The following CDH4 variants were observed in gnomAD, a reference collection of about 807,000 sequenced individuals.
CDH4 encodes the protein cadherin-4.
A neutral mutation model predicts 86.0 loss-of-function variants in CDH4; 33 were observed. That is an observed-to-expected ratio of 0.38 (90% CI 0.29 to 0.51). CDH4 has a LOEUF of 0.51. Ranked by LOEUF, CDH4 falls within the 20% of genes least tolerant of loss-of-function variation. The probability of loss-of-function intolerance (pLI) is 0.86; values close to 1 mark genes in which losing one functional copy is unlikely to be tolerated. For synonymous variants in CDH4, 555 were observed against 549.4 expected (o/e 1.01, Z -0.14); for missense variants, 1,114 against 1,307.4 (o/e 0.85, Z 2.28).
At position 61,652,938 on chromosome 20, in the gene CDH4, A is replaced by AT. The variant is rs763918382; in HGVS notation, c.170-90608dup. ...TTTGAATTTATTTATTTATTTATTT[A>AT]TTTTTTTTTTTTTTTTTATTGATCA... is the stretch of plus-strand genomic sequence containing the variant. On this transcript the variant is annotated intron_variant, in intron 2 of 15. Coordinates refer to ENST00000614565, the MANE Select transcript of CDH4 (RefSeq NM_001794.5). 3.6e-3 allele frequency among the ~76,000 whole-genome samples: 353 copies of AT among 97,446 alleles called. 20 individuals are homozygous for AT. The highest frequency in any genetic ancestry group is 6.6e-3 in the Non-Finnish European group (278 of 42,438). 63.9% of individuals were successfully genotyped at this position (97,446 alleles called of 152,430 possible).
At chr20:61,330,366 C>T (rs1165315108) in intron 2 of CDH4, among the ~76,000 whole-genome samples, 2 of 152,152 alleles carry the variant, frequency 1.3e-5, no homozygotes, top group African/African-American at 4.8e-5. Context: ...TCTCCACAGC[C>T]TCACCAGCAT....
At chr20:61,499,748 A>G (rs1479234703) in intron 2 of CDH4, among the ~76,000 whole-genome samples, 1 of 152,188 alleles carries the variant, frequency 6.6e-6, no homozygotes, top group Non-Finnish European at 1.5e-5. Context: ...AGCAGACACC[A>G]GGAACAGGGC....
At chr20:61,581,683 A>G (rs566853561) in intron 2 of CDH4, among the ~76,000 whole-genome samples, 25 of 152,248 alleles carry the variant, frequency 1.6e-4, no homozygotes, top group African/African-American at 5.5e-4. Context: ...TCCGTGACCC[A>G]GGGTAATCTC....
In CDH4 at chr20:61,501,395, G is replaced by A. The variant is rs2085699938; in HGVS notation, c.170-242168G>A. ...GAGACAAATGGAGTGTGGCCTGCTT[G>A]GGAAATGCTGAAAAGTGTTGGTGTT... On this transcript the variant is annotated intron_variant, in intron 2 of 15. Coordinates refer to ENST00000614565, the MANE Select transcript of CDH4 (RefSeq NM_001794.5). The surrounding 1 kb of genome is among the most constrained non-coding windows in gnomAD (Gnocchi z 4.2). Among the ~76,000 whole-genome samples, 1 of 152,150 alleles carries A rather than the reference G, an allele frequency of 6.6e-6. No individual in the cohort carries two copies. The highest frequency in any genetic ancestry group is 1.5e-5 in the Non-Finnish European group (1 of 68,010).
At chr20:61,388,417 G>A (rs2084963794) in intron 2 of CDH4, among the ~76,000 whole-genome samples, 1 of 145,094 alleles carries the variant, frequency 6.9e-6, no homozygotes, top group South Asian at 2.3e-4. Flanking sequence ...ACTGTGCGGC[G>A]AGCCACTTCC....
intron 8 of CDH4, among the ~76,000 whole-genome samples, chr20:61,906,117 CTT>C (rs761723409): frequency 6.6e-6 from 1 of 152,244 alleles, no homozygotes; most frequent in Non-Finnish European, 1.5e-5. Context: ...AATTGGCTGA[CTT>C]AGGTCATTAG....
intron 2 of CDH4, among the ~76,000 whole-genome samples, chr20:61,590,259 G>A (rs1308197990): frequency 2.6e-5 from 4 of 152,256 alleles, no homozygotes; most frequent in Middle Eastern, 3.4e-3. Flanking sequence ...TAGAGTTGGC[G>A]ACAAAGGAGG....
intron 9 of CDH4, among the ~76,000 whole-genome samples, chr20:61,912,025 A>G (rs1462186714): frequency 1.3e-5 from 2 of 152,182 alleles, no homozygotes; most frequent in Admixed American, 6.5e-5. Context: ...GGCTGCTTCT[A>G]TCCTCTGCTC....
chr20:61,523,262 T>C (rs2085885980), intron 2 of CDH4, among the ~76,000 whole-genome samples: 1 of 152,236 alleles, frequency 6.6e-6, no homozygotes, highest in Non-Finnish European at 1.5e-5. Flanking sequence ...GGCCTACTGA[T>C]CCAGGCGACT....
chr20:61,757,683 C>T (rs958279132), intron 3 of CDH4, among the ~76,000 whole-genome samples: 1 of 152,198 alleles, frequency 6.6e-6, no homozygotes, highest in African/African-American at 2.4e-5. Context: ...GGATTGAGCC[C>T]GTGGTGACCT....
chr20:61,896,148 G>T (rs1282645398), intron 8 of CDH4, among the ~76,000 whole-genome samples: 1 of 152,238 alleles, frequency 6.6e-6, no homozygotes, highest in Non-Finnish European at 1.5e-5. Flanking sequence ...GGGCACCAGG[G>T]TGAGGCCAGG....
intron 2 of CDH4, among the ~76,000 whole-genome samples, chr20:61,473,750 C>T (rs1159892139): frequency 1.3e-5 from 2 of 152,084 alleles, no homozygotes; most frequent in Non-Finnish European, 2.9e-5. Flanking sequence ...CACACACAGA[C>T]ACGCAGACAC....
At chr20:61,490,488 C>G (rs1224595540) in intron 2 of CDH4, among the ~76,000 whole-genome samples, 2 of 152,150 alleles carry the variant, frequency 1.3e-5, no homozygotes, top group African/African-American at 4.8e-5. Context: ...ATCATGAGGT[C>G]AGGGGTTCGA....
rs566413047 is a variant in CDH4, at chr20:61,335,284, G to A, written c.169+80347G>A. Among the ~76,000 whole-genome samples the A allele has an allele frequency of 7.2e-5, 11 of 152,366 alleles. No individual in the cohort carries two copies. The South Asian group carries it at 1.0e-3, about 14-fold the overall frequency. On this transcript the variant is annotated intron_variant, in intron 2 of 15. Transcript: ENST00000614565. ...CCGTGTATTTGGTCCAACGGAGATC[G>A]AAGGTCATTATATTCATGTTGTTCA...
intron 2 of CDH4, among the ~76,000 whole-genome samples, chr20:61,617,105 C>G (rs4925260): frequency 1.3e-5 from 2 of 152,098 alleles, no homozygotes; most frequent in Non-Finnish European, 2.9e-5. Flanking sequence ...CAAGAGTCAT[C>G]CTGCAGAGGC....
In CDH4 at chr20:61,903,540, T is replaced by TA. The variant is rs60370683; in HGVS notation, c.1189-6863dup. ...AGCGTGGGCAGCAGAAGAGACTCCA[T>TA]AAAAAAAAAAAAAAAAAAAGTGTAA... On this transcript the variant is annotated intron_variant, in intron 8 of 15. Coordinates refer to ENST00000614565, the MANE Select transcript of CDH4 (RefSeq NM_001794.5). Among the ~76,000 whole-genome samples the TA allele has an allele frequency of 5.6e-4, 51 of 90,886 alleles. 2 individuals carry two copies. Among genetic ancestry groups the TA allele is most frequent in the Admixed American group, 1.9e-3 (14 of 7,384 alleles). The allele number at this position is 90,886 out of a possible 152,430, so 59.6% of individuals were successfully genotyped here. A position where few individuals can be genotyped will look rare whatever the true frequency, so the allele number is the denominator to read the frequency against.
intron 2 of CDH4, among the ~76,000 whole-genome samples, chr20:61,515,926 C>G (rs986894919): frequency 3.3e-5 from 5 of 152,136 alleles, no homozygotes; most frequent in Admixed American, 6.5e-5. Context: ...GTCTATCCCC[C>G]CCATCCCGCA....
intron 4 of CDH4, among the ~76,000 whole-genome samples, chr20:61,803,621 T>G (rs1291631591): frequency 6.6e-6 from 1 of 152,158 alleles, no homozygotes; most frequent in Admixed American, 6.5e-5. Flanking sequence ...GGGTGGGGCA[T>G]CTTGAGGCTG....
At chr20:61,805,973 G>A (rs1980103555) in intron 4 of CDH4, among the ~76,000 whole-genome samples, 1 of 152,252 alleles carries the variant, frequency 6.6e-6, no homozygotes, top group South Asian at 2.1e-4. Context: ...AAGCTACGCA[G>A]GCCCGCTGGG....
Sources: gnomAD v4.1 joint callset for allele counts (sites outside exome capture counted in the v4.1 genomes callset) on GRCh38, gnomAD v4.1.1 for gene constraint, Gnocchi (gnomAD v3.1) non-coding constraint, MANE v1.5 for transcripts, NCBI Gene and HGNC (gene_info 2026-07-23, HGNC 2026-07-21) for gene names.